HS6ST2: variants seen among roughly 807,000 people sequenced by gnomAD.
The protein encoded by HS6ST2 is heparan-sulfate 6-O-sulfotransferase 2.
Under a neutral mutation model 33.0 loss-of-function variants are expected in HS6ST2, and 17 were observed. The observed-to-expected ratio is 0.52, with a 90% CI of 0.35 to 0.77. The LOEUF (loss-of-function observed/expected upper bound fraction) is 0.77. HS6ST2 is among the 30% of genes least tolerant of loss of function. The pLI is 0.01. For missense variants in HS6ST2, 519 were observed against 551.7 expected, an observed-to-expected ratio of 0.94 and a Z score of 0.59; for synonymous variants, 248 against 237.1, an observed-to-expected ratio of 1.05 and a Z score of -0.42.
chrX:132,693,416 AAG>A (rs779315493), intron 3 of HS6ST2, among the ~76,000 whole-genome samples: 4 of 111,854 alleles, frequency 3.6e-5, no homozygotes, highest in Non-Finnish European at 7.5e-5. Flanking sequence ...TCTAGGAATA[AAG>A]AGTTTCAGGG....
intron 2 of HS6ST2, among the ~76,000 whole-genome samples, chrX:132,948,447 A>C (rs1181822903): frequency 8.9e-6 from 1 of 112,443 alleles, no homozygotes; most frequent in Non-Finnish European, 1.9e-5. Context: ...ATTTGCATGT[A>C]TTAAATTGTA....
intron 2 of HS6ST2, among the ~76,000 whole-genome samples, chrX:132,774,614 T>C (rs1296590928): frequency 2.7e-5 from 3 of 112,138 alleles, no homozygotes; most frequent in Non-Finnish European, 3.8e-5. Flanking sequence ...CAATTCATTT[T>C]ATGTAAACTT....
At chrX:132,714,020 T>C (rs967453477) in intron 2 of HS6ST2, among the ~76,000 whole-genome samples, 1 of 112,152 alleles carries the variant, frequency 8.9e-6, no homozygotes, top group African/African-American at 3.2e-5. Flanking sequence ...TTGTACTACC[T>C]TAAATGACAC....
At chrX:132,930,203 C>T (rs1190258272) in intron 2 of HS6ST2, among the ~76,000 whole-genome samples, 1 of 110,637 alleles carries the variant, frequency 9.0e-6, no homozygotes, top group Admixed American at 9.7e-5. Flanking sequence ...GCTCTGTCGT[C>T]CAGGCTAGAG....
chrX:132,904,693 ATT>A (rs57637718), intron 2 of HS6ST2, among the ~76,000 whole-genome samples: 2 of 94,932 alleles, frequency 2.1e-5, no homozygotes. Flanking sequence ...AGGCCCAGCT[ATT>A]TTTTTTTTTT....
Position 132,669,119 on chromosome X carries a change from C to G in HS6ST2, c.1061G>C (p.Ser354Thr). The G allele has an allele frequency of 8.3e-7, 1 of 1,199,221 alleles. No homozygotes were observed. The highest frequency in any genetic ancestry group is 1.1e-6 in the Non-Finnish European group (1 of 884,631). The change falls in exon 4 of 5, where the codon AGT (serine) becomes ACT (threonine). Residue 354 changes from serine to threonine, a missense_variant. Coordinates refer to ENST00000370833, the MANE Select transcript of HS6ST2 (RefSeq NM_001394073.1). ...SSTKTRNTSK[S>T]GKNFHYITIL... ...GGAGCACTTTTTCACTTACTTCCCACTCTTAGATGTGTTCCGGGTCTTTGT... is the reference window on the plus strand; with the variant it reads ...GGAGCACTTTTTCACTTACTTCCCAGTCTTAGATGTGTTCCGGGTCTTTGT...
intron 3 of HS6ST2, among the ~76,000 whole-genome samples, chrX:132,706,741 G>A (rs1329918936): frequency 2.7e-5 from 3 of 112,109 alleles, no homozygotes; most frequent in Non-Finnish European, 5.6e-5. Context: ...TCATAATCTT[G>A]TATATTTATG....
chrX:132,892,881 A>T (rs1372810460), intron 2 of HS6ST2, among the ~76,000 whole-genome samples: 1 of 111,943 alleles, frequency 8.9e-6, no homozygotes, highest in Non-Finnish European at 1.9e-5. Flanking sequence ...ACCTCTACAC[A>T]TCCCCCATAT....
At chrX:132,852,696 G>A (rs752268418) in intron 2 of HS6ST2, among the ~76,000 whole-genome samples, 10 of 112,361 alleles carry the variant, frequency 8.9e-5, no homozygotes, top group Admixed American at 8.4e-4. Flanking sequence ...CAATTAATGA[G>A]CCTAGGGACC....
chrX:132,892,458 G>C lies in HS6ST2; in HGVS notation c.947+64350C>G, dbSNP rs577892801. On this transcript the variant is annotated intron_variant, in intron 2 of 4. Coordinates refer to ENST00000370833, the MANE Select transcript of HS6ST2 (RefSeq NM_001394073.1). ...ATACAGTCGTCCCTCAGTATTCATA[G>C]AGTATTGCAATGTTCCAAGACCCCC... is the stretch of plus-strand genomic sequence containing the variant. Among the ~76,000 whole-genome samples, 3 of 111,885 alleles carry C rather than the reference G, an allele frequency of 2.7e-5. No individual in the cohort carries two copies. In the South Asian group the frequency reaches 1.1e-3, roughly 42 times the overall value.
At chrX:132,654,670 G>T (rs181162937) in intron 4 of HS6ST2, among the ~76,000 whole-genome samples, 2 of 112,123 alleles carry the variant, frequency 1.8e-5, no homozygotes, top group Non-Finnish European at 3.8e-5. Context: ...TGGAATAAGA[G>T]AATAGGTGGT....
chrX:132,672,658 G>A (rs1035626601), intron 3 of HS6ST2, among the ~76,000 whole-genome samples: 54 of 112,016 alleles, frequency 4.8e-4, no homozygotes, highest in African/African-American at 1.8e-3. Flanking sequence ...CTGGTTGGCT[G>A]TCCATCTCCA....
chrX:132,780,776 C>A (rs769516658), intron 2 of HS6ST2, among the ~76,000 whole-genome samples: 1 of 111,725 alleles, frequency 9.0e-6, no homozygotes, highest in East Asian at 2.8e-4. Context: ...CCCTTACTGA[C>A]GAGCAGGATT....
At chrX:132,865,176 G>T (rs1250321049) in intron 2 of HS6ST2, among the ~76,000 whole-genome samples, 1 of 91,418 alleles carries the variant, frequency 1.1e-5, no homozygotes, top group East Asian at 3.6e-4. Context: ...CCCTTCCTGT[G>T]TCCACGTGAT....
At chrX:132,668,925 C>T (rs1207985695) in intron 4 of HS6ST2, among the ~76,000 whole-genome samples, 188 bp downstream of exon 4, 1 of 111,681 alleles carries the variant, frequency 9.0e-6, no homozygotes, top group African/African-American at 3.3e-5. Context: ...TTCCCTAGTT[C>T]TTCATGCACC....
chrX:132,669,309 A>G, intron 3 of HS6ST2, 110 bp from the exon 4 acceptor site: 1 of 450,924 alleles, frequency 2.2e-6, no homozygotes. Flanking sequence ...ATATCCCCCC[A>G]CCACCCCCTG....
At chrX:132,758,211 T>C (rs766643684) in intron 2 of HS6ST2, 1 of 112,528 alleles carries the variant, frequency 8.9e-6, no homozygotes, top group South Asian at 3.7e-4. Context: ...ACTTTCTTAG[T>C]AAAGTAGGAA....
chrX:132,954,802 A>G (rs1237781988), intron 2 of HS6ST2, among the ~76,000 whole-genome samples: 1 of 112,083 alleles, frequency 8.9e-6, no homozygotes, highest in Admixed American at 9.4e-5. Context: ...AACCAAGAAA[A>G]TCCTATGTCA....
At chrX:132,894,123 GTT>G (rs766095383) in intron 2 of HS6ST2, among the ~76,000 whole-genome samples, 1 of 93,147 alleles carries the variant, frequency 1.1e-5, no homozygotes. Context: ...TGGGTTTCAG[GTT>G]TTTTTTTTTT....
Sources: allele counts gnomAD v4.1 joint callset (sites outside exome capture counted in the v4.1 genomes callset), GRCh38; gene constraint gnomAD v4.1.1; transcripts MANE v1.5; gene names NCBI Gene and HGNC (gene_info 2026-07-23, HGNC 2026-07-21).